SRPK2: variants seen among roughly 807,000 people sequenced by gnomAD.
SRPK2 encodes SFRS protein kinase 2.
SRPK2 carries 21 observed loss-of-function variants against 90.8 expected under a neutral mutation model. That is an observed-to-expected ratio of 0.23 (90% confidence interval 0.16 to 0.33). The LOEUF (loss-of-function observed/expected upper bound fraction) is 0.33. Ranked by LOEUF, SRPK2 falls within the 10% of genes least tolerant of loss-of-function variation. The pLI, the probability that SRPK2 is intolerant of heterozygous loss-of-function variation, is 1.00. For synonymous variants in SRPK2, 288 were observed against 311.1 expected, an observed-to-expected ratio of 0.93 and a Z score of 0.78; for missense variants, 620 against 869.0, an observed-to-expected ratio of 0.71 and a Z score of 3.60.
chr7:105,388,979 G>GCCCCGC (rs1368575414), upstream of SRPK2: 33 of 1,058,964 alleles, frequency 3.1e-5, no homozygotes, highest in African/African-American at 7.5e-5. Flanking sequence ...CCCCCGTCCG[G>GCCCCGC]CCCCGCCCCC....
At chr7:105,201,372 G>A (rs1302346803) in intron 3 of SRPK2, among the ~76,000 whole-genome samples, 1 of 152,140 alleles carries the variant, frequency 6.6e-6, no homozygotes, top group Non-Finnish European at 1.5e-5. Flanking sequence ...AATACTCTGT[G>A]AAGGTTAGAG....
intron 6 of SRPK2, among the ~76,000 whole-genome samples, chr7:105,163,867 C>T (rs1808097697): frequency 6.6e-6 from 1 of 152,090 alleles, no homozygotes; most frequent in African/African-American, 2.4e-5. Flanking sequence ...GCACAAACAA[C>T]AGCCAACACC....
intron 2 of SRPK2, among the ~76,000 whole-genome samples, chr7:105,324,419 T>G (rs1813332079): frequency 6.6e-6 from 1 of 151,806 alleles, no homozygotes; most frequent in Admixed American, 6.6e-5. Flanking sequence ...GCCTCCCAAG[T>G]TCAAACAATT....
intron 2 of SRPK2, among the ~76,000 whole-genome samples, chr7:105,337,339 G>T (rs1325668236): frequency 6.6e-6 from 1 of 150,434 alleles, no homozygotes; most frequent in African/African-American, 2.4e-5. Flanking sequence ...TTTTGAGATG[G>T]AGTCTTGCTC....
Position 105,245,038 on chromosome 7 carries a change from C to A in SRPK2, c.72-41253G>T, listed in dbSNP as rs757879731. ...GAGGAAAAACAAAACAAAACAAACACACACACACACACACACACACACACA... is the reference window on the plus strand; with the variant it reads ...GAGGAAAAACAAAACAAAACAAACAAACACACACACACACACACACACACA... On this transcript the variant is annotated intron_variant, in intron 2 of 15. Coordinates refer to ENST00000393651, the MANE Select transcript of SRPK2 (RefSeq NM_182692.3). 6.1e-5 allele frequency: 13 copies of A among 212,944 alleles called. No homozygotes were observed. In the East Asian group the frequency reaches 1.3e-3, roughly 21 times the overall value. 13.2% of individuals were successfully genotyped at this position (212,944 alleles called of 1,614,324 possible). A position where few individuals can be genotyped will look rare whatever the true frequency, so the allele number is the denominator to read the frequency against.
chr7:105,291,181 G>T (rs987664896), intron 2 of SRPK2, among the ~76,000 whole-genome samples: 3 of 152,194 alleles, frequency 2.0e-5, no homozygotes, highest in African/African-American at 4.8e-5. Context: ...GTCGGTACTG[G>T]TAAGAAATGA....
chr7:105,156,453 T>C (rs775629854), intron 7 of SRPK2, among the ~76,000 whole-genome samples: 3 of 152,204 alleles, frequency 2.0e-5, no homozygotes, highest in Admixed American at 2.0e-4. Flanking sequence ...AGCATTACTA[T>C]CTCTCATTAC....
Position 105,355,962 on chromosome 7 carries a change from C to G in SRPK2, c.71+32686G>C, listed in dbSNP as rs1817736454. Among the ~76,000 whole-genome samples the G allele has an allele frequency of 2.6e-5, 4 of 152,282 alleles. No individual in the cohort carries two copies. In the South Asian group the frequency reaches 8.3e-4, roughly 32 times the overall value. ...ACTTGGGAGGCTGAGGCAGGAGAAT[C>G]ACCTGAAACTGGAAGGCAGAAGTTT... On this transcript the variant is annotated intron_variant, in intron 2 of 15. Coordinates refer to ENST00000393651, the MANE Select transcript of SRPK2 (RefSeq NM_182692.3).
intron 15 of SRPK2, chr7:105,125,958 G>A (rs1004453223): frequency 2.4e-5 from 18 of 742,882 alleles, no homozygotes; most frequent in Non-Finnish European, 3.5e-5. Context: ...CACCGCCCGC[G>A]CAGACAGAAA....
intron 3 of SRPK2, among the ~76,000 whole-genome samples, chr7:105,172,694 T>A (rs1178203484): frequency 6.6e-6 from 1 of 152,166 alleles, no homozygotes; most frequent in Non-Finnish European, 1.5e-5. Context: ...TAGGTATGAC[T>A]CCAAAACCCA....
At chr7:105,175,057 T>C (rs1306554438) in intron 3 of SRPK2, among the ~76,000 whole-genome samples, 3 of 151,326 alleles carry the variant, frequency 2.0e-5, no homozygotes, top group African/African-American at 7.3e-5. Context: ...AGGCAGAATC[T>C]CTTGAACCCA....
chr7:105,359,150 CTTTTTTTTTT>C (rs35765090), intron 2 of SRPK2, among the ~76,000 whole-genome samples: 5 of 54,800 alleles, frequency 9.1e-5, no homozygotes, highest in Admixed American at 6.5e-4. Context: ...CAAACCACAG[CTTTTTTTTTT>C]TTTTTTTTTT....
intron 2 of SRPK2, among the ~76,000 whole-genome samples, chr7:105,213,018 G>A (rs536045608): frequency 1.3e-5 from 2 of 152,134 alleles, no homozygotes; most frequent in Non-Finnish European, 1.5e-5. Context: ...ATGTGCACAG[G>A]TGACATGCAA....
chr7:105,185,741 T>C (rs1182624119), intron 3 of SRPK2, among the ~76,000 whole-genome samples: 1 of 152,198 alleles, frequency 6.6e-6, no homozygotes, highest in Admixed American at 6.5e-5. Context: ...CCACCTAGTT[T>C]TATAATCCAA....
intron 3 of SRPK2, among the ~76,000 whole-genome samples, chr7:105,192,911 T>C (rs2129606051): frequency 6.6e-6 from 1 of 152,306 alleles, no homozygotes; most frequent in African/African-American, 2.4e-5. Flanking sequence ...CCTTGCTAAT[T>C]TGAGTTCATT....
chr7:105,390,201 C>T (rs1327107659), upstream of SRPK2, among the ~76,000 whole-genome samples: 1 of 152,148 alleles, frequency 6.6e-6, no homozygotes, highest in Non-Finnish European at 1.5e-5. Context: ...AATCAGAATT[C>T]CATGATCACT....
At chr7:105,269,253 C>A (rs1395334384) in intron 2 of SRPK2, among the ~76,000 whole-genome samples, 1 of 152,018 alleles carries the variant, frequency 6.6e-6, no homozygotes, top group African/African-American at 2.4e-5. Flanking sequence ...AATCACGTCA[C>A]AGGCTGTAAT....
At chr7:105,306,671 A>T (rs983921695) in intron 2 of SRPK2, 1 of 348,940 alleles carries the variant, frequency 2.9e-6, no homozygotes, top group Non-Finnish European at 5.6e-6. Context: ...CATTTAACCG[A>T]AACACTCATT....
chr7:105,326,671 C>A (rs1813627451), intron 2 of SRPK2, among the ~76,000 whole-genome samples: 1 of 152,186 alleles, frequency 6.6e-6, no homozygotes, highest in African/African-American at 2.4e-5. Context: ...GGTACAGAAA[C>A]ACTATGATTT....
Sources: gnomAD v4.1 joint callset for allele counts (sites outside exome capture counted in the v4.1 genomes callset) on GRCh38, gnomAD v4.1.1 for gene constraint, MANE v1.5 for transcripts, NCBI Gene and HGNC (gene_info 2026-07-23, HGNC 2026-07-21) for gene names.